RMND1: variants seen among roughly 807,000 people sequenced by gnomAD.
The protein encoded by RMND1 is required for meiotic nuclear division protein 1 homolog.
Under a neutral mutation model 54.0 loss-of-function variants are expected in RMND1, and 41 were observed. That is an observed-to-expected ratio of 0.76 (90% CI 0.59 to 0.98). The LOEUF is 0.98. Ranked by LOEUF, RMND1 falls within the 50% of genes least tolerant of loss-of-function variation. RMND1 has a pLI of 0.00. For synonymous variants in RMND1, 183 were observed against 181.7 expected (o/e 1.01, Z -0.06); for missense variants, 457 against 532.0 (o/e 0.86, Z 1.39).
At chr6:151,426,804 T>C (rs928993140) in intron 6 of RMND1, among the ~76,000 whole-genome samples, 2 of 151,974 alleles carry the variant, frequency 1.3e-5, no homozygotes, top group African/African-American at 4.8e-5. Flanking sequence ...AGTTTCACTC[T>C]TGTCACCCTG....
chr6:151,434,067 G>A (rs1780530485), intron 3 of RMND1, among the ~76,000 whole-genome samples: 1 of 151,734 alleles, frequency 6.6e-6, no homozygotes, highest in Non-Finnish European at 1.5e-5. Context: ...CAGGCTGGTC[G>A]TGAACTCCTC....
intron 10 of RMND1, among the ~76,000 whole-genome samples, chr6:151,407,139 G>C (rs530300311): frequency 6.6e-6 from 1 of 151,998 alleles, no homozygotes; most frequent in Admixed American, 6.6e-5. Context: ...GGGTGCCAAA[G>C]TGAGATCCTG....
intron 6 of RMND1, among the ~76,000 whole-genome samples, chr6:151,426,439 C>T (rs1780299248): frequency 6.6e-6 from 1 of 152,092 alleles, no homozygotes; most frequent in Non-Finnish European, 1.5e-5. Context: ...GAAACTGGTA[C>T]ACCAGGTCCC....
At chr6:151,432,104 AT>A (rs1780465083) in intron 4 of RMND1, among the ~76,000 whole-genome samples, 1 of 151,850 alleles carries the variant, frequency 6.6e-6, no homozygotes, top group Non-Finnish European at 1.5e-5. Context: ...TGCCTGGCTA[AT>A]TTTTTGTATT....
chr6:151,451,812 G>A (rs532550222), intron 1 of RMND1, among the ~76,000 whole-genome samples: 2 of 152,200 alleles, frequency 1.3e-5, no homozygotes, highest in South Asian at 4.2e-4. Flanking sequence ...TACAGTTACC[G>A]CGGTGCACTG....
chr6:151,445,059 A>T (rs1780912022), intron 2 of RMND1: 1 of 405,154 alleles, frequency 2.5e-6, no homozygotes, highest in African/African-American at 2.0e-5. Context: ...TTAGACCAAT[A>T]ACCAAATCTT....
At chr6:151,449,224 C>T (rs1175503163) in intron 1 of RMND1, among the ~76,000 whole-genome samples, 1 of 152,000 alleles carries the variant, frequency 6.6e-6, no homozygotes, top group African/African-American at 2.4e-5. Context: ...AAAAAATTAG[C>T]TGAGCGTGGC....
intron 9 of RMND1, among the ~76,000 whole-genome samples, chr6:151,417,726 T>A (rs1326935342): frequency 6.6e-6 from 1 of 152,046 alleles, no homozygotes; most frequent in Non-Finnish European, 1.5e-5. Context: ...TACAAATGAG[T>A]TTCAAACTTC....
chr6:151,436,098 T>G, intron 3 of RMND1: 1 of 191,454 alleles, frequency 5.2e-6, no homozygotes, highest in Non-Finnish European at 1.0e-5. Context: ...AGAGTGAAAC[T>G]CCATCCCAAA....
chr6:151,422,574 A>C lies in RMND1; in HGVS notation c.969T>G (p.Asp323Glu), dbSNP rs1383312070. Reference sequence around the variant, plus strand: ...TTGACTGAATAGATTCAATAAATTTATCCAGTGATGCTTCCCAAATTGCCA... The same window carrying C: ...TTGACTGAATAGATTCAATAAATTTCTCCAGTGATGCTTCCCAAATTGCCA... The part of the protein sequence containing the change: ...VKLAIWEASL[D>E]KFIESIQSIP... Residue 323 changes from aspartate (D) to glutamate (E), a missense_variant, in exon 8 of 12, where the codon GAT becomes GAG. Physicochemically the swap from Asp to Glu is conservative, Grantham distance 45 (BLOSUM62 2). Transcript: ENST00000444024. 6.5e-6 allele frequency: 10 copies of C among 1,543,724 alleles called. No individual in the cohort carries two copies. Among genetic ancestry groups the C allele is most frequent in the Non-Finnish European group, 8.8e-6 (10 of 1,136,710 alleles).
rs917605193 is a variant in RMND1 at position 151,404,924 on chromosome 6, A to G, written c.*311T>C. On this transcript the variant is annotated 3_prime_UTR_variant, in exon 12 of 12. Coordinates refer to ENST00000444024, the MANE Select transcript of RMND1 (RefSeq NM_017909.4). ...CTCACTGTTGCCCTGGCTGGAGTGC[A>G]GTGGTGTGATCTTAGCTCACTGCAA... The G allele has an allele frequency of 2.4e-5, 6 of 244,924 alleles. No homozygotes were observed. The highest frequency in any genetic ancestry group is 3.9e-5 in the Non-Finnish European group (5 of 129,084). 15.2% of individuals were successfully genotyped at this position (244,924 alleles called of 1,614,324 possible).
intron 5 of RMND1, among the ~76,000 whole-genome samples, chr6:151,429,091 C>T (rs1780383133): frequency 6.7e-6 from 1 of 148,598 alleles, no homozygotes. Flanking sequence ...TTAACCAGTT[C>T]TGAGATTATA....
At chr6:151,428,805 A>AT (rs1780375745) in intron 5 of RMND1, among the ~76,000 whole-genome samples, 1 of 152,126 alleles carries the variant, frequency 6.6e-6, no homozygotes, top group Non-Finnish European at 1.5e-5. Flanking sequence ...AAGTGATACG[A>AT]TTACAGGTAT....
At chr6:151,412,805 G>A (rs1480907437) in intron 10 of RMND1, among the ~76,000 whole-genome samples, 2 of 152,126 alleles carry the variant, frequency 1.3e-5, no homozygotes, top group Admixed American at 1.3e-4. Flanking sequence ...AGATGCAGGT[G>A]CTACACACTT....
At chr6:151,411,034 A>G (rs1045794092) in intron 10 of RMND1, among the ~76,000 whole-genome samples, 18 of 152,180 alleles carry the variant, frequency 1.2e-4, no homozygotes, top group African/African-American at 4.1e-4. Context: ...ATCTCAGCTC[A>G]TCGGAACCTT....
At chr6:151,433,815 TA>T (rs890697058) in intron 3 of RMND1, among the ~76,000 whole-genome samples, 3 of 150,228 alleles carry the variant, frequency 2.0e-5, no homozygotes, top group African/African-American at 7.3e-5. Flanking sequence ...TGCAACTATT[TA>T]AAAAAAAAGT....
At chr6:151,426,627 C>T (rs1025275181) in intron 6 of RMND1, among the ~76,000 whole-genome samples, 2 of 152,100 alleles carry the variant, frequency 1.3e-5, no homozygotes, top group African/African-American at 4.8e-5. Context: ...TTGGATTAGG[C>T]TGATTAGAAA....
chr6:151,404,893 C>G lies in RMND1; in HGVS notation c.*342G>C. 1 of 188,186 alleles carries G rather than the reference C, an allele frequency of 5.3e-6. No homozygotes were observed. Among genetic ancestry groups the G allele is most frequent in the Non-Finnish European group, 1.1e-5 (1 of 92,970 alleles). 11.7% of individuals were successfully genotyped at this position (188,186 alleles called of 1,614,324 possible). A position where few individuals can be genotyped will look rare whatever the true frequency, so the allele number is the denominator to read the frequency against. ...TTTATTTTATTGTTTATTTTTGAGA[C>G]TGAGTCTCACTGTTGCCCTGGCTGG... On this transcript the variant is annotated 3_prime_UTR_variant, in exon 12 of 12. Transcript: ENST00000444024.
intron 5 of RMND1, among the ~76,000 whole-genome samples, chr6:151,428,692 T>C (rs952126747): frequency 1.3e-5 from 2 of 152,146 alleles, no homozygotes; most frequent in African/African-American, 4.8e-5. Flanking sequence ...CTACCACACC[T>C]GGCTAACTTC....
Sources: allele counts gnomAD v4.1 joint callset (sites outside exome capture counted in the v4.1 genomes callset), GRCh38; gene constraint gnomAD v4.1.1; transcripts MANE v1.5; gene names NCBI Gene and HGNC (gene_info 2026-07-23, HGNC 2026-07-21).